Variants in CFAP210 observed in about 807,000 individuals in gnomAD.
CFAP210 encodes cilia- and flagella- associated protein 210.
At chr2:169,656,639 A>G in the CFAP210 span, among the ~76,000 whole-genome samples, 1 of 152,126 alleles carries the variant, frequency 6.6e-6, no homozygotes, top group African/African-American at 2.4e-5. Flanking sequence ...CATGAGGCAA[A>G]CTTGAGAACA....
the CFAP210 span, among the ~76,000 whole-genome samples, chr2:169,687,493 T>C: frequency 6.7e-6 from 1 of 148,280 alleles, no homozygotes; most frequent in Admixed American, 6.7e-5. Flanking sequence ...GCAGGACCCA[T>C]GCAAGTCCAA....
At chr2:169,678,830 A>G in the CFAP210 span, among the ~76,000 whole-genome samples, 3 of 152,122 alleles carry the variant, frequency 2.0e-5, no homozygotes, top group African/African-American at 7.2e-5. Context: ...ATTTCAAAAA[A>G]AATAAAAATA....
the CFAP210 span, among the ~76,000 whole-genome samples, chr2:169,683,047 A>G: frequency 6.6e-6 from 1 of 152,164 alleles, no homozygotes. Context: ...CCAGAAAGAG[A>G]AAGATACTGA....
the CFAP210 span, among the ~76,000 whole-genome samples, chr2:169,691,781 T>C: frequency 6.6e-6 from 1 of 152,252 alleles, no homozygotes; most frequent in Non-Finnish European, 1.5e-5. Context: ...AGTTTCTCAT[T>C]CCTGCTGTTG....
chr2:169,680,290 T>A, the CFAP210 span, among the ~76,000 whole-genome samples: 2 of 152,304 alleles, frequency 1.3e-5, no homozygotes, highest in Admixed American at 1.3e-4. Context: ...AATAGAACTC[T>A]CAAAGATTAT....
chr2:169,653,962 T>C, the CFAP210 span: 1 of 1,121,130 alleles, frequency 8.9e-7, no homozygotes, highest in South Asian at 1.9e-5. Context: ...AGTCACTGAA[T>C]GCTCTAGTCA....
chr2:169,693,472 G>A, the CFAP210 span, among the ~76,000 whole-genome samples: 6 of 152,228 alleles, frequency 3.9e-5, no homozygotes, highest in Non-Finnish European at 8.8e-5. Flanking sequence ...AGTGAAGAAT[G>A]ACTGGCTGTC....
chr2:169,687,286 C>T, the CFAP210 span, among the ~76,000 whole-genome samples: 59 of 152,232 alleles, frequency 3.9e-4, 1 homozygote, highest in Middle Eastern at 0.027. Flanking sequence ...ACAACAGTCC[C>T]CCAAAGTCTT....
At chr2:169,657,129 CTT>C in the CFAP210 span, among the ~76,000 whole-genome samples, 5 of 152,044 alleles carry the variant, frequency 3.3e-5, no homozygotes, top group Admixed American at 6.5e-5. Flanking sequence ...TAAGCCTTCT[CTT>C]AACTAATGAG....
the CFAP210 span, chr2:169,681,317 G>T: frequency 1.0e-6 from 1 of 986,078 alleles, no homozygotes; most frequent in Non-Finnish European, 1.6e-6. Context: ...ATATTGGCAT[G>T]ATAACTGGAA....
chr2:169,692,824 C>T, the CFAP210 span, among the ~76,000 whole-genome samples: 1 of 152,146 alleles, frequency 6.6e-6, no homozygotes, highest in Non-Finnish European at 1.5e-5. Context: ...GGGTCAAATT[C>T]TGTTTTGTCC....
At chr2:169,650,961 G>A in the CFAP210 span, among the ~76,000 whole-genome samples, 1 of 151,842 alleles carries the variant, frequency 6.6e-6, no homozygotes, top group East Asian at 1.9e-4. Context: ...GGGCGTGGTG[G>A]CTCATACCTG....
the CFAP210 span, among the ~76,000 whole-genome samples, chr2:169,672,741 C>T: frequency 6.6e-6 from 1 of 152,190 alleles, no homozygotes; most frequent in African/African-American, 2.4e-5. Context: ...GGTGCCCACC[C>T]ACCTTGAGGG....
the CFAP210 span, among the ~76,000 whole-genome samples, chr2:169,678,312 G>T: frequency 7.8e-6 from 1 of 128,460 alleles, no homozygotes; most frequent in Non-Finnish European, 1.6e-5. Context: ...TTATACTCCA[G>T]CCTGGGCAAC....
At chr2:169,692,896 C>T in the CFAP210 span, among the ~76,000 whole-genome samples, 3 of 152,102 alleles carry the variant, frequency 2.0e-5, no homozygotes, top group Non-Finnish European at 4.4e-5. Flanking sequence ...TAGGCTGACA[C>T]GGGGCTGGGA....
the CFAP210 span, among the ~76,000 whole-genome samples, chr2:169,678,246 C>A: frequency 3.5e-4 from 52 of 147,078 alleles, no homozygotes; most frequent in African/African-American, 1.3e-3. Flanking sequence ...GAGACAGAGG[C>A]AGGAGAATTG....
At chr2:169,664,103 G>A in the CFAP210 span, among the ~76,000 whole-genome samples, 1 of 151,952 alleles carries the variant, frequency 6.6e-6, no homozygotes, top group Non-Finnish European at 1.5e-5. Context: ...GGAGGCTGAG[G>A]CAGGAAATTG....
the CFAP210 span, among the ~76,000 whole-genome samples, chr2:169,676,628 T>C: frequency 6.6e-6 from 1 of 152,188 alleles, no homozygotes; most frequent in Non-Finnish European, 1.5e-5. Flanking sequence ...GAATGTCGTA[T>C]GTTACATATA....
At chr2:169,663,426 C>T in the CFAP210 span, among the ~76,000 whole-genome samples, 1 of 152,122 alleles carries the variant, frequency 6.6e-6, no homozygotes, top group African/African-American at 2.4e-5. Flanking sequence ...GTCTCAAACT[C>T]CTGGACTGAA....
Sources: allele counts gnomAD v4.1 joint callset (sites outside exome capture counted in the v4.1 genomes callset), GRCh38; gene constraint gnomAD v4.1.1; transcripts MANE v1.5; gene names NCBI Gene and HGNC (gene_info 2026-07-23, HGNC 2026-07-21).